Variants in CHCHD6 observed in about 807,000 individuals in gnomAD.
CHCHD6 encodes the protein MICOS complex subunit MIC25.
Under a neutral mutation model 32.3 loss-of-function variants are expected in CHCHD6, and 28 were observed. The ratio of observed to expected loss-of-function variants is 0.87; its 90% CI spans 0.64 to 1.19. CHCHD6 has a LOEUF of 1.19. CHCHD6 is among the 50% of genes most tolerant of loss of function. The pLI is 0.00. For missense variants in CHCHD6, 333 were observed against 307.0 expected (o/e 1.08, Z -0.63); for synonymous variants, 122 against 117.5 (o/e 1.04, Z -0.25).
chr3:126,895,284 C>T (rs920301973), intron 5 of CHCHD6, among the ~76,000 whole-genome samples: 4 of 152,130 alleles, frequency 2.6e-5, no homozygotes, highest in Admixed American at 1.3e-4. Context: ...AGTGAGTTAG[C>T]GGAAGGAAAG....
chr3:126,831,211 G>A (rs1175899194), intron 4 of CHCHD6, among the ~76,000 whole-genome samples: 1 of 152,020 alleles, frequency 6.6e-6, no homozygotes, highest in Non-Finnish European at 1.5e-5. Flanking sequence ...ATTTTTAGTA[G>A]AGACAGGGTT....
intron 4 of CHCHD6, among the ~76,000 whole-genome samples, chr3:126,847,367 C>T (rs565744664): frequency 8.5e-5 from 13 of 152,280 alleles, no homozygotes; most frequent in East Asian, 3.9e-4. Context: ...TGGCCACCCT[C>T]AGTGTCTTAC....
intron 5 of CHCHD6, among the ~76,000 whole-genome samples, chr3:126,895,957 AG>A (rs1286175206): frequency 1.3e-5 from 2 of 152,206 alleles, no homozygotes; most frequent in African/African-American, 4.8e-5. Context: ...ATGGTGTGCT[AG>A]TGAGAGCTGG....
At position 126,957,548 on chromosome 3, in the gene CHCHD6, C is replaced by A; in HGVS notation, c.699C>A (p.His233Gln). The change falls in exon 7 of 8, where the codon CAC becomes CAA. Residue 233 changes from histidine (H) to glutamine (Q), a missense_variant. By Grantham distance (24) the His-to-Gln change is conservative. Transcript: ENST00000290913. ...KAYQRCVSAA[H>Q]KG ...ACCAGCGCTGCGTGAGCGCCGCCCA[C>A]AAGGTAAGGCCTTGCCTGCCTCCCA... is the stretch of plus-strand genomic sequence containing the variant. The A allele has an allele frequency of 1.9e-6, 3 of 1,564,706 alleles. No individual in the cohort carries two copies. Among genetic ancestry groups the A allele is most frequent in the Non-Finnish European group, 2.6e-6 (3 of 1,154,792 alleles).
chr3:126,949,728 C>A, intron 6 of CHCHD6: 1 of 193,044 alleles, frequency 5.2e-6, no homozygotes, highest in South Asian at 7.8e-5. Context: ...AAAGGCTGCA[C>A]GGAGGCTTGC....
chr3:126,705,349 C>T (rs994001057), intron 1 of CHCHD6, among the ~76,000 whole-genome samples: 10 of 152,084 alleles, frequency 6.6e-5, no homozygotes, highest in Non-Finnish European at 1.5e-5. Flanking sequence ...GAAGACTGTC[C>T]CCAGAACCCA....
At chr3:126,907,088 C>G (rs907827104) in intron 5 of CHCHD6, among the ~76,000 whole-genome samples, 5 of 152,126 alleles carry the variant, frequency 3.3e-5, no homozygotes, top group African/African-American at 1.2e-4. Flanking sequence ...GGTGGGAATT[C>G]AGGGGTAACA....
intron 4 of CHCHD6, among the ~76,000 whole-genome samples, chr3:126,786,606 T>G (rs554428685): frequency 0.01 from 1,537 of 152,260 alleles, 15 homozygotes; most frequent in South Asian, 0.026. Flanking sequence ...TCATGTGTCT[T>G]TTGGCTGCAT....
chr3:126,834,621 C>G (rs536826369), intron 4 of CHCHD6, among the ~76,000 whole-genome samples: 1 of 152,268 alleles, frequency 6.6e-6, no homozygotes, highest in African/African-American at 2.4e-5. Context: ...CTATCAGTCC[C>G]TCCTTTCTGT....
chr3:126,767,155 G>C (rs1559831639), intron 4 of CHCHD6: 12 of 1,590,676 alleles, frequency 7.5e-6, no homozygotes, highest in Non-Finnish European at 1.0e-5. Flanking sequence ...CAAAGGAATA[G>C]AGGTTTCCTT....
At chr3:126,894,073 C>CA (rs1483373769) in intron 5 of CHCHD6, among the ~76,000 whole-genome samples, 3 of 152,270 alleles carry the variant, frequency 2.0e-5, no homozygotes, top group African/African-American at 7.2e-5. Context: ...GTGTTTTCCT[C>CA]ACCTTTGTGA....
At chr3:126,876,973 T>C (rs184880041) in intron 5 of CHCHD6, among the ~76,000 whole-genome samples, 29 of 152,098 alleles carry the variant, frequency 1.9e-4, no homozygotes, top group African/African-American at 6.5e-4. Flanking sequence ...CCAAAGCACT[T>C]TGGGTAGGAG....
At chr3:126,861,041 G>C (rs1469762661) in intron 5 of CHCHD6, among the ~76,000 whole-genome samples, 1 of 152,126 alleles carries the variant, frequency 6.6e-6, no homozygotes. Context: ...TTAAGCCCTT[G>C]AGCCCTGGGG....
rs546179022 is a variant in CHCHD6 at position 126,913,207 on chromosome 3, C to CTTT, written c.496-1438_496-1436dup. On this transcript the variant is annotated intron_variant, in intron 5 of 7. Transcript: ENST00000290913. ...GGATAATCATGCTGCCCGTATGAGC[C>CTTT]TTTTTTTTTTTTTTTTTTTTTTTTT... Among the ~76,000 whole-genome samples the CTTT allele has an allele frequency of 3.0e-3, 102 of 33,784 alleles. 32 individuals carry two copies. The highest frequency in any genetic ancestry group is 4.8e-3 in the South Asian group (4 of 828). The allele number at this position is 33,784 out of a possible 152,430, so 22.2% of individuals were successfully genotyped here.
chr3:126,957,849 G>A (rs769383403), intron 7 of CHCHD6: 23 of 492,900 alleles, frequency 4.7e-5, no homozygotes, highest in Middle Eastern at 5.6e-4. Flanking sequence ...TTCAAGGGCC[G>A]GGCCCCTTGT....
chr3:126,957,197 G>T, intron 6 of CHCHD6: 1 of 602,740 alleles, frequency 1.7e-6, no homozygotes, highest in Non-Finnish European at 3.0e-6. Flanking sequence ...CTGCTATATT[G>T]TGAGCCTAAG....
intron 4 of CHCHD6, among the ~76,000 whole-genome samples, chr3:126,787,542 T>A (rs1268714378): frequency 6.6e-6 from 1 of 152,208 alleles, no homozygotes. Flanking sequence ...GTCCTTCACA[T>A]CCCTTGTAAG....
chr3:126,900,665 C>T (rs57041700), intron 5 of CHCHD6, among the ~76,000 whole-genome samples: 4,595 of 136,780 alleles, frequency 0.034, 160 homozygotes, highest in East Asian at 0.17. Flanking sequence ...AGTGCAATGG[C>T]GCTATCTCAG....
chr3:126,776,229 C>T (rs1937644198), intron 4 of CHCHD6, among the ~76,000 whole-genome samples: 2 of 152,142 alleles, frequency 1.3e-5, no homozygotes, highest in South Asian at 4.1e-4. Context: ...CAACATGGCT[C>T]CTAAATTATA....
Sources: gnomAD v4.1 joint callset for allele counts (sites outside exome capture counted in the v4.1 genomes callset) on GRCh38, gnomAD v4.1.1 for gene constraint, MANE v1.5 for transcripts, NCBI Gene and HGNC (gene_info 2026-07-23, HGNC 2026-07-21) for gene names.